SGMS1: variants seen among roughly 807,000 people sequenced by gnomAD.
SGMS1 encodes sphingomyelin synthase 1, also known as phosphatidylcholine:ceramide cholinephosphotransferase 1.
SGMS1 carries 13 observed loss-of-function variants against 46.2 expected under a neutral mutation model. The ratio of observed to expected loss-of-function variants is 0.28; its 90% CI spans 0.18 to 0.45. The LOEUF is 0.45. SGMS1 is among the 20% of genes least tolerant of loss of function. The pLI, the probability that SGMS1 is intolerant of heterozygous loss-of-function variation, is 1.00. For synonymous variants in SGMS1, 203 were observed against 187.8 expected, an observed-to-expected ratio of 1.08 and a Z score of -0.66; for missense variants, 324 against 519.9, an observed-to-expected ratio of 0.62 and a Z score of 3.66.
At chr10:50,329,244 T>C (rs1202231132) in intron 7 of SGMS1, among the ~76,000 whole-genome samples, 1 of 152,176 alleles carries the variant, frequency 6.6e-6, no homozygotes, top group Non-Finnish European at 1.5e-5. Flanking sequence ...TTCAGAATTA[T>C]TTAAAAATCT....
chr10:50,555,773 G>GA (rs1018240568), intron 2 of SGMS1, among the ~76,000 whole-genome samples: 4 of 152,176 alleles, frequency 2.6e-5, no homozygotes, highest in African/African-American at 9.7e-5. Context: ...AACATTTTAG[G>GA]AAACTTGACC....
chr10:50,346,564 T>C (rs996752381), intron 6 of SGMS1, among the ~76,000 whole-genome samples: 1 of 152,154 alleles, frequency 6.6e-6, no homozygotes, highest in African/African-American at 2.4e-5. Flanking sequence ...GATAGCAGTA[T>C]GCATTAGGAT....
chr10:50,336,855 T>C (rs533042605), intron 7 of SGMS1, among the ~76,000 whole-genome samples: 1 of 152,332 alleles, frequency 6.6e-6, no homozygotes, highest in Admixed American at 6.5e-5. Flanking sequence ...TATCAAATGA[T>C]ACAATACACA....
At chr10:50,365,578 C>T (rs1176158803) in intron 6 of SGMS1, among the ~76,000 whole-genome samples, 3 of 152,118 alleles carry the variant, frequency 2.0e-5, no homozygotes, top group African/African-American at 7.2e-5. Flanking sequence ...TGCTCTCTCT[C>T]CTCTTGCCCC....
intron 1 of SGMS1, among the ~76,000 whole-genome samples, chr10:50,591,972 G>A (rs186159498): frequency 6.6e-6 from 1 of 152,258 alleles, no homozygotes; most frequent in East Asian, 1.9e-4. Context: ...CTGGAACCCC[G>A]TGCACCTGGC....
chr10:50,562,229 A>G (rs1310152058), intron 2 of SGMS1, among the ~76,000 whole-genome samples: 1 of 152,116 alleles, frequency 6.6e-6, no homozygotes, highest in Non-Finnish European at 1.5e-5. Flanking sequence ...ATGCACAAAA[A>G]TGGTTATGTG....
At chr10:50,508,412 G>A (rs890072975) in intron 3 of SGMS1, among the ~76,000 whole-genome samples, 1 of 152,152 alleles carries the variant, frequency 6.6e-6, no homozygotes, top group African/African-American at 2.4e-5. Context: ...GACACAAGCT[G>A]CTTCAGCTCA....
In SGMS1 at chr10:50,560,065, T is replaced by C. The variant is rs1178885839; in HGVS notation, c.-589+30088A>G. On this transcript the variant is annotated intron_variant, in intron 2 of 10. Coordinates refer to ENST00000361781, the MANE Select transcript of SGMS1 (RefSeq NM_147156.4). Reference sequence around the variant, plus strand: ...ATTTATATATATAAAATATAAATAATATAATATATAGACATATATTACCTT... The same window carrying C: ...ATTTATATATATAAAATATAAATAACATAATATATAGACATATATTACCTT... Among the ~76,000 whole-genome samples the C allele has an allele frequency of 2.2e-4, 17 of 76,802 alleles. 1 individual carries two copies. The highest frequency in any genetic ancestry group is 8.9e-3 in the Middle Eastern group (1 of 112). 50.4% of individuals were successfully genotyped at this position (76,802 alleles called of 152,430 possible). A position where few individuals can be genotyped will look rare whatever the true frequency, so the allele number is the denominator to read the frequency against.
chr10:50,554,251 T>C (rs1490714701), intron 2 of SGMS1, among the ~76,000 whole-genome samples: 2 of 152,204 alleles, frequency 1.3e-5, no homozygotes, highest in African/African-American at 2.4e-5. Flanking sequence ...ATTAGTTACA[T>C]ACTGCAGTAC....
At chr10:50,511,495 C>T (rs906652065) in intron 3 of SGMS1, among the ~76,000 whole-genome samples, 1 of 152,142 alleles carries the variant, frequency 6.6e-6, no homozygotes, top group Non-Finnish European at 1.5e-5. Flanking sequence ...TACAAAGATG[C>T]TCAGGGCTTA....
At chr10:50,425,378 A>C (rs1340048337) in intron 6 of SGMS1, among the ~76,000 whole-genome samples, 1 of 152,234 alleles carries the variant, frequency 6.6e-6, no homozygotes, top group Non-Finnish European at 1.5e-5. Context: ...GGATAAAGAA[A>C]ATGTGGTACA....
chr10:50,365,912 C>A (rs1028896646), intron 6 of SGMS1, among the ~76,000 whole-genome samples: 1 of 152,032 alleles, frequency 6.6e-6, no homozygotes, highest in Non-Finnish European at 1.5e-5. Context: ...TGTCTTTATA[C>A]TAGAATGATT....
chr10:50,537,439 TTATATATATA>T (rs1224796799), intron 2 of SGMS1, among the ~76,000 whole-genome samples: 2 of 140,384 alleles, frequency 1.4e-5, no homozygotes, highest in African/African-American at 5.0e-5. Flanking sequence ...TTTTTTTTCT[TTATATATATA>T]TATAGATATA....
chr10:50,595,616 C>G (rs1420111051), intron 1 of SGMS1, among the ~76,000 whole-genome samples: 2 of 152,198 alleles, frequency 1.3e-5, no homozygotes, highest in African/African-American at 2.4e-5. Context: ...GGTGGAGACA[C>G]CACTTGAACC....
chr10:50,560,244 T>C (rs1564432123), intron 2 of SGMS1, among the ~76,000 whole-genome samples: 1 of 142,778 alleles, frequency 7.0e-6, no homozygotes, highest in African/African-American at 2.6e-5. Flanking sequence ...CATAATATTA[T>C]GTAATATACA....
chr10:50,389,708 C>T (rs1168111408), intron 6 of SGMS1, among the ~76,000 whole-genome samples: 3 of 152,164 alleles, frequency 2.0e-5, no homozygotes, highest in Non-Finnish European at 2.9e-5. Flanking sequence ...TTTGGTAGCC[C>T]CCTGACCATA....
chr10:50,395,917 G>A (rs1394988754), intron 6 of SGMS1, among the ~76,000 whole-genome samples: 1 of 152,126 alleles, frequency 6.6e-6, no homozygotes, highest in Non-Finnish European at 1.5e-5. Flanking sequence ...AAAACATTGA[G>A]AAATCCTAAA....
chr10:50,374,963 G>A (rs181560826), intron 6 of SGMS1, among the ~76,000 whole-genome samples: 86 of 152,160 alleles, frequency 5.7e-4, no homozygotes, highest in Admixed American at 1.9e-3. Flanking sequence ...TTCGCAGCCC[G>A]AGGCAGGTGA....
At chr10:50,624,060 C>T (rs1364818053), upstream of SGMS1, 4 of 985,188 alleles carry the variant, frequency 4.1e-6, no homozygotes, top group African/African-American at 1.7e-5. Context: ...GCCGGCCGGG[C>T]GGGGTCCGCG....
Sources: allele counts gnomAD v4.1 joint callset (sites outside exome capture counted in the v4.1 genomes callset), GRCh38; gene constraint gnomAD v4.1.1; transcripts MANE v1.5; gene names NCBI Gene and HGNC (gene_info 2026-07-23, HGNC 2026-07-21).